The following VTI1A variants were observed in gnomAD, a reference collection of about 807,000 sequenced individuals.
VTI1A encodes vesicle transport through interaction with t-SNAREs homolog 1A.
In VTI1A, 22 loss-of-function variants were observed where a neutral mutation model predicts 34.9. The ratio of observed to expected loss-of-function variants is 0.63; its 90% confidence interval spans 0.45 to 0.90. The LOEUF is 0.90. VTI1A is among the 40% of genes least tolerant of loss of function. The probability of loss-of-function intolerance (pLI) is 0.00; values close to 1 mark genes in which losing one functional copy is unlikely to be tolerated. For missense variants in VTI1A, 268 were observed against 275.6 expected (o/e 0.97, Z 0.20); for synonymous variants, 87 against 97.3 (o/e 0.89, Z 0.62).
intron 7 of VTI1A, among the ~76,000 whole-genome samples, chr10:112,670,187 A>G (rs1439314970): frequency 1.3e-5 from 2 of 152,174 alleles, no homozygotes; most frequent in Admixed American, 6.6e-5. Flanking sequence ...GGGGAGGGAA[A>G]AACCTCTGTT....
At chr10:112,563,670 C>T (rs749389072) in intron 5 of VTI1A, among the ~76,000 whole-genome samples, 44 of 152,290 alleles carry the variant, frequency 2.9e-4, no homozygotes, top group Non-Finnish European at 5.1e-4. Context: ...AAGACTGTCT[C>T]TAATGGTCTT....
At chr10:112,449,589 A>G (rs1847154800) in intron 1 of VTI1A, 1 of 152,176 alleles carries the variant, frequency 6.6e-6, no homozygotes, top group Non-Finnish European at 1.5e-5. Context: ...CCCTGTCTCT[A>G]CTAAAAATAC....
At chr10:112,660,813 A>G (rs1238285011) in intron 5 of VTI1A, among the ~76,000 whole-genome samples, 1 of 152,172 alleles carries the variant, frequency 6.6e-6, no homozygotes, top group Admixed American at 6.5e-5. Context: ...TAAATATGCT[A>G]CTTTACATAA....
the VTI1A span, among the ~76,000 whole-genome samples, chr10:112,853,752 T>G: frequency 6.6e-6 from 1 of 152,106 alleles, no homozygotes; most frequent in African/African-American, 2.4e-5. Flanking sequence ...TGCCAAAAAC[T>G]CATCATAAGG....
intron 7 of VTI1A, among the ~76,000 whole-genome samples, chr10:112,811,490 A>G (rs953554751): frequency 2.6e-5 from 4 of 151,712 alleles, no homozygotes; most frequent in African/African-American, 9.7e-5. Flanking sequence ...GTCAGGAGAT[A>G]GAGACCACGG....
chr10:112,471,983 A>G (rs778883779), intron 3 of VTI1A, among the ~76,000 whole-genome samples: 2 of 152,226 alleles, frequency 1.3e-5, no homozygotes, highest in African/African-American at 2.4e-5. Context: ...GTGTGCTGGT[A>G]TAAGGTTCTA....
chr10:112,531,489 AAAAAAAAG>A, intron 4 of VTI1A, among the ~76,000 whole-genome samples: 1 of 152,042 alleles, frequency 6.6e-6, no homozygotes, highest in East Asian at 1.9e-4. Context: ...AAAGAAAAAA[AAAAAAAAG>A]AAAAAAGATA....
At chr10:112,684,921 T>C (rs185571298) in intron 7 of VTI1A, among the ~76,000 whole-genome samples, 4 of 152,346 alleles carry the variant, frequency 2.6e-5, no homozygotes, top group East Asian at 3.9e-4. Flanking sequence ...TCTGTGTACA[T>C]TGGGCTGGCC....
At chr10:112,563,960 G>T (rs1488989396) in intron 5 of VTI1A, among the ~76,000 whole-genome samples, 3 of 152,072 alleles carry the variant, frequency 2.0e-5, no homozygotes, top group Non-Finnish European at 4.4e-5. Flanking sequence ...TTTGTAAATT[G>T]ACAGTGCATT....
intron 7 of VTI1A, among the ~76,000 whole-genome samples, chr10:112,689,586 C>A: frequency 6.6e-6 from 1 of 152,146 alleles, no homozygotes; most frequent in East Asian, 1.9e-4. Flanking sequence ...CGTCACCGTT[C>A]TTCCTGAGCC....
At chr10:112,550,922 T>C (rs1851326059) in intron 5 of VTI1A, among the ~76,000 whole-genome samples, 1 of 152,134 alleles carries the variant, frequency 6.6e-6, no homozygotes, top group African/African-American at 2.4e-5. Context: ...CTGGTCTACA[T>C]GAAAAGGTTG....
intron 5 of VTI1A, among the ~76,000 whole-genome samples, chr10:112,608,712 A>T (rs1017603192): frequency 2.0e-5 from 3 of 152,162 alleles, no homozygotes; most frequent in African/African-American, 7.2e-5. Flanking sequence ...AAACAATTCT[A>T]TTCACTGGAA....
chr10:112,612,083 A>G (rs940957570), intron 5 of VTI1A, among the ~76,000 whole-genome samples: 4 of 152,040 alleles, frequency 2.6e-5, no homozygotes, highest in Non-Finnish European at 4.4e-5. Flanking sequence ...TTGGATACAA[A>G]CCTATGGATT....
At chr10:112,655,827 A>T (rs1847210808) in intron 5 of VTI1A, among the ~76,000 whole-genome samples, 1 of 152,198 alleles carries the variant, frequency 6.6e-6, no homozygotes. Context: ...CATTTTTTAA[A>T]GTGTGCCTAT....
At chr10:112,760,949 A>G (rs974081013) in intron 7 of VTI1A, among the ~76,000 whole-genome samples, 1 of 152,144 alleles carries the variant, frequency 6.6e-6, no homozygotes, top group African/African-American at 2.4e-5. Context: ...TTGATGTATA[A>G]TATTAACTTC....
At chr10:112,519,790 C>T (rs1849944392) in intron 3 of VTI1A, among the ~76,000 whole-genome samples, 1 of 151,994 alleles carries the variant, frequency 6.6e-6, no homozygotes, top group Non-Finnish European at 1.5e-5. Context: ...TAGATGAAAC[C>T]TCATGCGATA....
At chr10:112,746,127 T>G (rs1850886226) in intron 7 of VTI1A, among the ~76,000 whole-genome samples, 1 of 152,228 alleles carries the variant, frequency 6.6e-6, no homozygotes, top group Non-Finnish European at 1.5e-5. Flanking sequence ...CCAACTTCCT[T>G]GAAGACTCTG....
intron 3 of VTI1A, among the ~76,000 whole-genome samples, chr10:112,518,252 G>A (rs1011140693): frequency 4.6e-5 from 7 of 151,802 alleles, no homozygotes; most frequent in Non-Finnish European, 7.4e-5. Flanking sequence ...AACTTTTTTC[G>A]TGAACAATCA....
chr10:112,690,985 A>C lies in VTI1A; in HGVS notation c.560+21987A>C, dbSNP rs1444589000. 5.3e-5 allele frequency among the ~76,000 whole-genome samples: 8 copies of C among 152,180 alleles called. No homozygotes were observed. In the South Asian group the frequency reaches 1.7e-3, roughly 31 times the overall value. ...CATATGCATTGTTTTAAAGTCCCAT[A>C]GTTCGATCAAAGTGGTTCACACCTG... On this transcript the variant is annotated intron_variant, in intron 7 of 7. Transcript: ENST00000393077.
Sources: allele counts gnomAD v4.1 joint callset (sites outside exome capture counted in the v4.1 genomes callset), GRCh38; gene constraint gnomAD v4.1.1; transcripts MANE v1.5; gene names NCBI Gene and HGNC (gene_info 2026-07-23, HGNC 2026-07-21).